The following DOCK5 variants were observed in gnomAD, a reference collection of about 807,000 sequenced individuals.
DOCK5 encodes dedicator of cytokinesis protein 5.
Under a neutral mutation model 251.8 loss-of-function variants are expected in DOCK5, and 142 were observed. That is an observed-to-expected ratio of 0.56 (90% CI 0.49 to 0.65). The LOEUF is 0.65. Among genes scored for constraint, DOCK5 ranks in the 30% least tolerant of loss-of-function variants. DOCK5 has a pLI of 0.00. For synonymous variants in DOCK5, 842 were observed against 835.5 expected (o/e 1.01, Z -0.13); for missense variants, 2,111 against 2,312.3 (o/e 0.91, Z 1.79).
intron 26 of DOCK5, among the ~76,000 whole-genome samples, chr8:25,346,501 C>T (rs549090041): frequency 1.8e-4 from 27 of 151,906 alleles, no homozygotes; most frequent in Non-Finnish European, 3.2e-4. Context: ...CTTGCGTTTT[C>T]TCTGTGACCT....
intron 1 of DOCK5, among the ~76,000 whole-genome samples, chr8:25,240,335 C>T (rs574716407): frequency 1.3e-5 from 2 of 151,502 alleles, no homozygotes; most frequent in South Asian, 2.1e-4. Flanking sequence ...AAAATCCACC[C>T]GTTTTAAGCA....
intron 29 of DOCK5, among the ~76,000 whole-genome samples, chr8:25,363,957 G>A (rs1420524381): frequency 6.6e-6 from 1 of 152,122 alleles, no homozygotes; most frequent in Non-Finnish European, 1.5e-5. Context: ...TTATAGAATT[G>A]TTTTCAGATT....
intron 1 of DOCK5, among the ~76,000 whole-genome samples, chr8:25,236,986 A>G (rs749815752): frequency 6.6e-6 from 1 of 152,136 alleles, no homozygotes; most frequent in Non-Finnish European, 1.5e-5. Context: ...TGTAGATTCT[A>G]TCAGGTGACT....
rs76923819 is a variant in DOCK5, at chr8:25,393,940, G to C, written c.4527+1058G>C. On this transcript the variant is annotated intron_variant, in intron 44 of 51. Transcript: ENST00000276440. ...TGAACTGAAGTTTGATGTGTTATAA[G>C]TCATGGCTAGGTACAGTGGCTCATG... Among the ~76,000 whole-genome samples, 1,332 of 152,326 alleles carry C rather than the reference G, an allele frequency of 8.7e-3. 21 individuals are homozygous for C. The highest frequency in any genetic ancestry group is 0.03 in the African/African-American group (1,244 of 41,570).
chr8:25,308,668 TAC>T, intron 11 of DOCK5, 113 bp from the exon 12 acceptor site: 1 of 1,031,808 alleles, frequency 9.7e-7, no homozygotes, highest in Non-Finnish European at 1.4e-6. Context: ...AAGATAGGGG[TAC>T]TTAGTGTTGA....
chr8:25,410,482 G>T (rs1801602582), intron 51 of DOCK5, among the ~76,000 whole-genome samples: 1 of 151,842 alleles, frequency 6.6e-6, no homozygotes, highest in African/African-American at 2.4e-5. Context: ...GGGGGGCGGG[G>T]GCAGGGTCTG....
In DOCK5 at chr8:25,401,013, T is replaced by C; in HGVS notation, c.4873T>C (p.Cys1625Arg). ...LKPLHERLSS[C>R]FRELKEKVEK... ...GCCGCTGCATGAGCGGTTGTCTTCT[T>C]GCTTCCGGGAACTCAAGGAGAAAGT... Residue 1625 changes from cysteine to arginine, a missense_variant, in exon 47 of 52, where the codon TGC (cysteine) becomes CGC (arginine). Cys to Arg is a radical substitution (Grantham distance 180). Transcript: ENST00000276440. The C allele has an allele frequency of 6.2e-7, 1 of 1,614,022 alleles. No homozygotes were observed. Among genetic ancestry groups the C allele is most frequent in the Non-Finnish European group, 8.5e-7 (1 of 1,179,902 alleles).
chr8:25,194,423 CCA>C (rs1460222735), intron 1 of DOCK5, among the ~76,000 whole-genome samples: 1 of 152,146 alleles, frequency 6.6e-6, no homozygotes, highest in Non-Finnish European at 1.5e-5. Flanking sequence ...TCCCATTTCT[CCA>C]CAGTTTTCCT....
chr8:25,341,688 T>C, intron 23 of DOCK5, 51 bp from the exon 24 acceptor site: 1 of 1,458,398 alleles, frequency 6.9e-7, no homozygotes, highest in East Asian at 2.4e-5. Context: ...CAGTAAATAC[T>C]GTATTTGTCT....
Position 25,325,555 on chromosome 8 carries a change from T to C in DOCK5, c.1903+8T>C, listed in dbSNP as rs368076678. 49 of 1,612,168 alleles carry C rather than the reference T, an allele frequency of 3.0e-5. No individual in the cohort carries two copies. In the African/African-American group the frequency reaches 6.1e-4, roughly 20 times the overall value. ...CAAAGCTCACCCAGAATGGTAGGAG[T>C]GGTGAATACACTGACACAAATAAGC... On this transcript the variant is annotated splice_region_variant and intron_variant, in intron 18 of 51. Transcript: ENST00000276440.
chr8:25,299,002 A>T lies in DOCK5; in HGVS notation c.665A>T (p.Tyr222Phe). 6.2e-7 allele frequency: 1 copy of T among 1,613,820 alleles called. No homozygotes were observed. ...GQSIFSTIHT[Y>F]GLYVNFKNFV... ...TCCATCTTCAGTACCATCCACACCT[A>T]TGGCCTCTATGTGAACTTCAAGAAC... is the stretch of plus-strand genomic sequence containing the variant. The change falls in exon 8 of 52, where the codon TAT (tyrosine) becomes TTT (phenylalanine). Residue 222 changes from tyrosine (Y) to phenylalanine (F), a missense_variant. Coordinates refer to ENST00000276440, the MANE Select transcript of DOCK5 (RefSeq NM_024940.8).
intron 1 of DOCK5, among the ~76,000 whole-genome samples, chr8:25,224,828 G>A (rs1802488309): frequency 6.6e-6 from 1 of 152,162 alleles, no homozygotes; most frequent in African/African-American, 2.4e-5. Context: ...TCTGCTCTGG[G>A]CCACCCTGGC....
At chr8:25,316,158 A>G (rs2117192410) in intron 13 of DOCK5, among the ~76,000 whole-genome samples, 1 of 152,324 alleles carries the variant, frequency 6.6e-6, no homozygotes, top group East Asian at 1.9e-4. Context: ...TTCATTGATA[A>G]AATCAAGTAA....
At chr8:25,280,583 G>A (rs960974397) in intron 5 of DOCK5, among the ~76,000 whole-genome samples, 1 of 152,096 alleles carries the variant, frequency 6.6e-6, no homozygotes, top group Non-Finnish European at 1.5e-5. Context: ...TCTTCATATT[G>A]TATTTTCTAA....
intron 36 of DOCK5, 96 bp from the exon 37 acceptor site, chr8:25,374,468 G>C: frequency 4.2e-6 from 5 of 1,181,336 alleles, no homozygotes; most frequent in South Asian, 2.9e-5. Context: ...GCATACTGCA[G>C]CCTGGGCAAT....
chr8:25,221,633 TCTG>T (rs1417256207), intron 1 of DOCK5, among the ~76,000 whole-genome samples: 1 of 151,356 alleles, frequency 6.6e-6, no homozygotes, highest in Non-Finnish European at 1.5e-5. Context: ...AAATTCCACT[TCTG>T]CTACCTACCA....
chr8:25,325,426 G>A lies in DOCK5; in HGVS notation c.1782G>A (p.Glu594=). 2.5e-6 allele frequency: 4 copies of A among 1,613,978 alleles called. No individual in the cohort carries two copies. The highest frequency in any genetic ancestry group is 3.4e-6 in the Non-Finnish European group (4 of 1,179,878). ...FYLTLPGTKM[E]MEEKELQASK... is the part of the protein sequence containing the mutation. ...TGACCCTGCCTGGAACCAAGATGGA[G>A]ATGGAAGAAAAAGAGCTTCAAGCAT... The change falls in exon 18 of 52, where the codon GAG becomes GAA. Residue 594 remains glutamate, a synonymous_variant. Coordinates refer to ENST00000276440, the MANE Select transcript of DOCK5 (RefSeq NM_024940.8).
chr8:25,330,969 T>C (rs772258161), intron 18 of DOCK5, among the ~76,000 whole-genome samples: 5 of 151,852 alleles, frequency 3.3e-5, no homozygotes, highest in Non-Finnish European at 7.4e-5. Context: ...CCAGCTACTC[T>C]GGAGGCTGAG....
intron 12 of DOCK5, 126 bp from the exon 13 acceptor site, chr8:25,310,281 T>G (rs1469104883): frequency 1.9e-5 from 18 of 948,404 alleles, no homozygotes; most frequent in Non-Finnish European, 2.7e-5. Flanking sequence ...ATAAGTCAAC[T>G]GGGGGAGAAT....
Sources: allele counts gnomAD v4.1 joint callset (sites outside exome capture counted in the v4.1 genomes callset), GRCh38; gene constraint gnomAD v4.1.1; transcripts MANE v1.5; gene names NCBI Gene and HGNC (gene_info 2026-07-23, HGNC 2026-07-21).